The following DLG2 variants were observed in gnomAD, a reference collection of about 807,000 sequenced individuals.
The protein encoded by DLG2 is discs large MAGUK scaffold protein 2, also known as disks large homolog 2.
In DLG2, 45 loss-of-function variants were observed where a neutral mutation model predicts 132.5. The observed-to-expected ratio is 0.34, with a 90% CI of 0.27 to 0.44. DLG2 has a LOEUF of 0.44. Ranked by LOEUF, DLG2 falls within the 20% of genes least tolerant of loss-of-function variation. The pLI is 1.00. For missense variants in DLG2, 1,045 were observed against 1,196.9 expected, an observed-to-expected ratio of 0.87 and a Z score of 1.87; for synonymous variants, 424 against 419.6, an observed-to-expected ratio of 1.01 and a Z score of -0.13.
At chr11:83,558,989 A>C (rs2096566825) in intron 19 of DLG2, among the ~76,000 whole-genome samples, 1 of 152,062 alleles carries the variant, frequency 6.6e-6, no homozygotes, top group African/African-American at 2.4e-5. Context: ...AAGATGCATA[A>C]GGGAATGATG....
intron 4 of DLG2, among the ~76,000 whole-genome samples, chr11:85,168,365 T>C (rs2078610656): frequency 6.6e-6 from 1 of 151,966 alleles, no homozygotes; most frequent in African/African-American, 2.4e-5. Context: ...AAATGTAGAG[T>C]GAAATAAGTG....
At chr11:84,813,413 C>T (rs538137953) in intron 6 of DLG2, among the ~76,000 whole-genome samples, 3 of 152,234 alleles carry the variant, frequency 2.0e-5, no homozygotes, top group Admixed American at 2.0e-4. Context: ...AGATGATTAA[C>T]ACCCTCCCAA....
chr11:84,637,578 T>C (rs1171851434), intron 6 of DLG2, among the ~76,000 whole-genome samples: 3 of 152,164 alleles, frequency 2.0e-5, no homozygotes, highest in African/African-American at 7.2e-5. Flanking sequence ...CTGCAGCTGC[T>C]TGGGATCTAA....
intron 9 of DLG2, among the ~76,000 whole-genome samples, chr11:84,123,974 A>G (rs543631013): frequency 1.5e-4 from 23 of 152,332 alleles, no homozygotes; most frequent in Non-Finnish European, 2.9e-4. Context: ...TTTGTGATTC[A>G]TGCATGTAAA....
chr11:84,141,536 T>C lies in DLG2; in HGVS notation c.624+21925A>G, dbSNP rs921344707. Among the ~76,000 whole-genome samples, 25 of 152,216 alleles carry C rather than the reference T, an allele frequency of 1.6e-4. 1 individual carries two copies. Among genetic ancestry groups the C allele is most frequent in the African/African-American group, 5.8e-4 (24 of 41,538 alleles). On this transcript the variant is annotated intron_variant, in intron 9 of 27. Coordinates refer to ENST00000376104, the MANE Select transcript of DLG2 (RefSeq NM_001142699.3). ...TGGAAAGCTAAATTGATTATTCTAGTGATAAAATGCCAAATGAAAAAAAAT... is the reference window on the plus strand; with the variant it reads ...TGGAAAGCTAAATTGATTATTCTAGCGATAAAATGCCAAATGAAAAAAAAT...
chr11:84,467,931 C>G (rs990939888), intron 7 of DLG2, among the ~76,000 whole-genome samples: 1 of 151,440 alleles, frequency 6.6e-6, no homozygotes, highest in Non-Finnish European at 1.5e-5. Flanking sequence ...ATTTGGCATA[C>G]TGCTAACAAT....
At chr11:85,023,097 G>GTT (rs148473348) in intron 6 of DLG2, among the ~76,000 whole-genome samples, 1 of 151,894 alleles carries the variant, frequency 6.6e-6, no homozygotes, top group African/African-American at 2.4e-5. Context: ...AAAGTTAGGA[G>GTT]TTTTTTTCTC....
chr11:84,536,754 G>C (rs1215453583), intron 6 of DLG2, among the ~76,000 whole-genome samples: 1 of 152,168 alleles, frequency 6.6e-6, no homozygotes, highest in African/African-American at 2.4e-5. Flanking sequence ...TTTGCCTGCT[G>C]CCATCTGCCA....
chr11:84,999,385 A>G (rs1424804601), intron 6 of DLG2, among the ~76,000 whole-genome samples: 1 of 152,180 alleles, frequency 6.6e-6, no homozygotes, highest in East Asian at 1.9e-4. Flanking sequence ...TGACTTGTTT[A>G]AAACCATCAT....
chr11:85,250,959 G>A (rs1005737790), intron 4 of DLG2, among the ~76,000 whole-genome samples: 1 of 152,152 alleles, frequency 6.6e-6, no homozygotes, highest in Non-Finnish European at 1.5e-5. Context: ...CATTGGAGTG[G>A]TCAAAGACAT....
At chr11:84,093,681 C>T (rs1330557062) in intron 10 of DLG2, among the ~76,000 whole-genome samples, 1 of 152,106 alleles carries the variant, frequency 6.6e-6, no homozygotes, top group Non-Finnish European at 1.5e-5. Context: ...GTGGTACGAT[C>T]TCAGCTTACT....
At chr11:84,757,248 T>C (rs1278004436) in intron 6 of DLG2, among the ~76,000 whole-genome samples, 2 of 152,074 alleles carry the variant, frequency 1.3e-5, no homozygotes, top group Non-Finnish European at 2.9e-5. Context: ...AAAGTAAGCA[T>C]TTAGAGACTT....
Position 84,189,462 on chromosome 11 carries a change from C to T in DLG2, c.574-25951G>A, listed in dbSNP as rs574756639. Among the ~76,000 whole-genome samples, 3 of 152,268 alleles carry T rather than the reference C, an allele frequency of 2.0e-5. No individual in the cohort carries two copies. The East Asian group carries it at 5.8e-4, about 29-fold the overall frequency. ...AGAAATACCATTTGGTCCAGCAATC[C>T]AATTACTGGGTATATACCCAAGGAA... On this transcript the variant is annotated intron_variant, in intron 8 of 27. Coordinates refer to ENST00000376104, the MANE Select transcript of DLG2 (RefSeq NM_001142699.3).
chr11:84,073,931 A>T (rs1381506749), intron 10 of DLG2, among the ~76,000 whole-genome samples: 10 of 152,192 alleles, frequency 6.6e-5, no homozygotes, highest in Non-Finnish European at 1.5e-4. Flanking sequence ...AATACATATA[A>T]TTTCATTGTA....
intron 3 of DLG2, among the ~76,000 whole-genome samples, chr11:85,534,240 G>C (rs544250138): frequency 6.6e-6 from 1 of 152,068 alleles, no homozygotes; most frequent in African/African-American, 2.4e-5. Flanking sequence ...TGAAAGGTGC[G>C]CCTGGTCTAC....
chr11:83,889,987 C>G (rs1262246676), intron 15 of DLG2, among the ~76,000 whole-genome samples: 2 of 151,176 alleles, frequency 1.3e-5, no homozygotes, highest in Non-Finnish European at 2.9e-5. Flanking sequence ...GGAGGGATAG[C>G]TTTCGGAGAT....
chr11:84,705,812 A>C (rs953090232), intron 6 of DLG2, among the ~76,000 whole-genome samples: 6 of 151,828 alleles, frequency 4.0e-5, no homozygotes, highest in African/African-American at 1.5e-4. Flanking sequence ...GTCATTATTC[A>C]ACAGGTCCTT....
chr11:84,183,670 C>T (rs977509559), intron 8 of DLG2, among the ~76,000 whole-genome samples: 14 of 152,088 alleles, frequency 9.2e-5, no homozygotes, highest in Non-Finnish European at 1.9e-4. Context: ...TGGTGTGCTG[C>T]ACCCAGTAAC....
intron 18 of DLG2, among the ~76,000 whole-genome samples, chr11:83,774,427 T>C (rs910809864): frequency 8.5e-5 from 13 of 152,232 alleles, no homozygotes; most frequent in Non-Finnish European, 1.6e-4. Flanking sequence ...AGAGTCATCC[T>C]GTGAGATAGG....
Sources: allele counts gnomAD v4.1 joint callset (sites outside exome capture counted in the v4.1 genomes callset), GRCh38; gene constraint gnomAD v4.1.1; transcripts MANE v1.5; gene names NCBI Gene and HGNC (gene_info 2026-07-23, HGNC 2026-07-21).